The following GRIP2 variants were observed in gnomAD, a reference collection of about 807,000 sequenced individuals.
The protein encoded by GRIP2 is glutamate receptor-interacting protein 2.
GRIP2 carries 58 observed loss-of-function variants against 108.3 expected under a neutral mutation model. That is an observed-to-expected ratio of 0.54 (90% CI 0.43 to 0.67). The LOEUF is 0.67. GRIP2 is among the 30% of genes least tolerant of loss of function. GRIP2 has a pLI of 0.00. For synonymous variants in GRIP2, 586 were observed against 598.2 expected (o/e 0.98, Z 0.30); for missense variants, 1,278 against 1,430.6 (o/e 0.89, Z 1.72).
the GRIP2 span, among the ~76,000 whole-genome samples, chr3:14,586,043 T>C: frequency 3.3e-5 from 5 of 152,372 alleles, no homozygotes; most frequent in East Asian, 1.9e-4. Context: ...TCTCACAGCA[T>C]GGCAACCACA....
At chr3:14,493,985 ACTCT>A (rs1263400609) in intron 23 of GRIP2, among the ~76,000 whole-genome samples, 159 bp from the exon 24 acceptor site, 1 of 152,148 alleles carries the variant, frequency 6.6e-6, no homozygotes, top group Non-Finnish European at 1.5e-5. Flanking sequence ...TCTTCCTCTA[ACTCT>A]CTCTCAGTCC....
upstream of GRIP2, chr3:14,541,909 A>T: frequency 7.4e-7 from 1 of 1,343,668 alleles, no homozygotes; most frequent in Non-Finnish European, 9.9e-7. Context: ...GTGGTCAGGG[A>T]GAGGCTCGCC....
At chr3:14,597,327 G>A in the GRIP2 span, among the ~76,000 whole-genome samples, 1 of 152,008 alleles carries the variant, frequency 6.6e-6, no homozygotes, top group Non-Finnish European at 1.5e-5. Context: ...TTTCCAGTGG[G>A]GAAAAAAAAT....
the GRIP2 span, among the ~76,000 whole-genome samples, chr3:14,596,634 G>C: frequency 6.6e-6 from 1 of 152,204 alleles, no homozygotes; most frequent in Non-Finnish European, 1.5e-5. Flanking sequence ...GGAGAGAAAG[G>C]TGATATATGA....
intron 22 of GRIP2, among the ~76,000 whole-genome samples, chr3:14,495,514 C>T (rs755701389): frequency 5.3e-5 from 8 of 152,122 alleles, no homozygotes; most frequent in African/African-American, 7.2e-5. Context: ...TCAAGCAATT[C>T]TTCTGCCTCA....
chr3:14,535,711 C>A (rs1701514608), intron 1 of GRIP2, among the ~76,000 whole-genome samples: 1 of 152,252 alleles, frequency 6.6e-6, no homozygotes, highest in Non-Finnish European at 1.5e-5. Flanking sequence ...CCCAGGGGCA[C>A]AGAGCTTCTA....
chr3:14,588,299 C>T, the GRIP2 span, among the ~76,000 whole-genome samples: 3 of 152,234 alleles, frequency 2.0e-5, no homozygotes, highest in African/African-American at 7.2e-5. Context: ...AAGCAAGTCA[C>T]TCAAGCCAGA....
In GRIP2 at chr3:14,524,602, C is replaced by T. The variant is rs1694504300; in HGVS notation, c.258-64G>A. 4 of 1,491,788 alleles carry T rather than the reference C, an allele frequency of 2.7e-6. No homozygotes were observed. The South Asian group carries it at 5.1e-5, about 19-fold the overall frequency. The allele number at this position is 1,491,788 out of a possible 1,614,324, so 92.4% of individuals were successfully genotyped here. ...CTGGCCCATGCAGTCCTGGCATTCACACCCACCCTCCTCTGGAATCCCTAT... is the reference window on the plus strand; with the variant it reads ...CTGGCCCATGCAGTCCTGGCATTCATACCCACCCTCCTCTGGAATCCCTAT... On this transcript the variant is annotated intron_variant, in intron 3 of 23. Coordinates refer to ENST00000621039, the MANE Select transcript of GRIP2 (RefSeq NM_001080423.4).
the GRIP2 span, among the ~76,000 whole-genome samples, chr3:14,562,387 A>G: frequency 1.3e-5 from 2 of 152,252 alleles, no homozygotes; most frequent in Non-Finnish European, 2.9e-5. Context: ...CTTGAACATC[A>G]GAAAAGAATC....
chr3:14,590,230 C>T, the GRIP2 span, among the ~76,000 whole-genome samples: 3 of 152,146 alleles, frequency 2.0e-5, no homozygotes, highest in African/African-American at 7.2e-5. Flanking sequence ...ACCTGTGTTT[C>T]CTCTTCTAAT....
At chr3:14,591,691 C>T in the GRIP2 span, among the ~76,000 whole-genome samples, 10 of 152,180 alleles carry the variant, frequency 6.6e-5, no homozygotes, top group Non-Finnish European at 1.2e-4. Context: ...CAAACCGTGC[C>T]TCTTGCCTTC....
intron 9 of GRIP2, among the ~76,000 whole-genome samples, chr3:14,519,794 C>A (rs939289): frequency 0.38 from 58,253 of 152,040 alleles, 12,066 homozygotes; most frequent in South Asian, 0.59. Flanking sequence ...AGGATCTAAG[C>A]TCTGAGTAGC....
At chr3:14,529,303 G>GAAA (rs1559347608) in intron 1 of GRIP2, among the ~76,000 whole-genome samples, 2 of 121,528 alleles carry the variant, frequency 1.6e-5, no homozygotes, top group African/African-American at 6.7e-5. Flanking sequence ...AAAAAAAAAA[G>GAAA]GAAAAACACT....
At chr3:14,524,366 GA>G in intron 4 of GRIP2, 26 bp downstream of exon 4, 1 of 1,603,250 alleles carries the variant, frequency 6.2e-7, no homozygotes, top group South Asian at 1.1e-5. Flanking sequence ...AGGCAGTGGA[GA>G]AAGTTCCCCG....
chr3:14,566,743 A>G, the GRIP2 span, among the ~76,000 whole-genome samples: 1 of 152,076 alleles, frequency 6.6e-6, no homozygotes, highest in African/African-American at 2.4e-5. Flanking sequence ...GAGAGCTCCA[A>G]TCTTGCCCTT....
the GRIP2 span, among the ~76,000 whole-genome samples, chr3:14,563,158 T>C: frequency 1.9e-4 from 29 of 152,220 alleles, no homozygotes; most frequent in South Asian, 8.3e-4. Flanking sequence ...CCAGGGAAAA[T>C]TGCACGCAGA....
chr3:14,570,687 T>C, the GRIP2 span, among the ~76,000 whole-genome samples: 1 of 152,254 alleles, frequency 6.6e-6, no homozygotes, highest in African/African-American at 2.4e-5. Flanking sequence ...ATTGTTAGTG[T>C]ATTTTTCTCA....
rs1269135422 is a variant in GRIP2, at chr3:14,511,084, G to A, written c.1933+81C>T. Reference sequence around the variant, plus strand: ...CACCACCCTCCCTTCCTCGGCTGGAGGGAGCCCTGAATTGCAAGCTGGGAA... The same window carrying A: ...CACCACCCTCCCTTCCTCGGCTGGAAGGAGCCCTGAATTGCAAGCTGGGAA... On this transcript the variant is annotated intron_variant, in intron 16 of 23. Coordinates refer to ENST00000621039, the MANE Select transcript of GRIP2 (RefSeq NM_001080423.4). This position sits in a 1 kb window ranked among gnomAD's most constrained non-coding sequence, Gnocchi z 4.1. The A allele has an allele frequency of 2.0e-6, 3 of 1,530,684 alleles. No homozygotes were observed. Among genetic ancestry groups the A allele is most frequent in the Admixed American group, 1.9e-5 (1 of 53,036 alleles). 94.8% of individuals were successfully genotyped at this position (1,530,684 alleles called of 1,614,324 possible). A position where few individuals can be genotyped will look rare whatever the true frequency, so the allele number is the denominator to read the frequency against.
chr3:14,570,700 T>C, the GRIP2 span, among the ~76,000 whole-genome samples: 2 of 152,372 alleles, frequency 1.3e-5, no homozygotes, highest in African/African-American at 4.8e-5. Context: ...TTTTCTCAAA[T>C]GTATCAGTCT....
Sources: allele counts gnomAD v4.1 joint callset (sites outside exome capture counted in the v4.1 genomes callset), GRCh38; gene constraint gnomAD v4.1.1; non-coding constraint Gnocchi (gnomAD v3.1); transcripts MANE v1.5; gene names NCBI Gene and HGNC (gene_info 2026-07-23, HGNC 2026-07-21).